The following CACNA2D1 variants were observed in gnomAD, a reference collection of about 807,000 sequenced individuals.
CACNA2D1 encodes calcium voltage-gated channel auxiliary subunit alpha2delta 1.
A neutral mutation model predicts 171.5 loss-of-function variants in CACNA2D1; 53 were observed. That is an observed-to-expected ratio of 0.31 (90% confidence interval 0.25 to 0.39). The LOEUF is 0.39. CACNA2D1 is among the 10% of genes least tolerant of loss of function. The pLI, the probability that CACNA2D1 is intolerant of heterozygous loss-of-function variation, is 1.00. For synonymous variants in CACNA2D1, 442 were observed against 443.1 expected, an observed-to-expected ratio of 1.00 and a Z score of 0.03; for missense variants, 903 against 1,299.8, an observed-to-expected ratio of 0.69 and a Z score of 4.69.
chr7:82,127,951 G>T (rs920746544), intron 5 of CACNA2D1, among the ~76,000 whole-genome samples: 2 of 151,880 alleles, frequency 1.3e-5, no homozygotes, highest in African/African-American at 4.8e-5. Context: ...TTTGAGACAG[G>T]GTCTCACTGT....
At chr7:82,202,621 C>T (rs912125542) in intron 3 of CACNA2D1, among the ~76,000 whole-genome samples, 1 of 152,034 alleles carries the variant, frequency 6.6e-6, no homozygotes, top group African/African-American at 2.4e-5. Flanking sequence ...AAGAAGTACA[C>T]ACTCAGCCCC....
At chr7:82,139,940 C>T (rs190125437) in intron 4 of CACNA2D1, among the ~76,000 whole-genome samples, 2 of 122,258 alleles carry the variant, frequency 1.6e-5, no homozygotes, top group Admixed American at 8.1e-5. Context: ...TGCCAACACA[C>T]CTGGCTATTA....
intron 4 of CACNA2D1, among the ~76,000 whole-genome samples, chr7:82,140,252 G>A (rs1792212486): frequency 6.6e-6 from 1 of 152,138 alleles, no homozygotes; most frequent in African/African-American, 2.4e-5. Flanking sequence ...ATTTTAAGAA[G>A]AGAACGTAGA....
chr7:82,149,780 A>T (rs1793578390), intron 4 of CACNA2D1, among the ~76,000 whole-genome samples: 1 of 143,764 alleles, frequency 7.0e-6, no homozygotes, highest in African/African-American at 2.5e-5. Context: ...TACAAAAAAA[A>T]AACAAACAAA....
At chr7:82,194,726 G>T (rs1444929207) in intron 3 of CACNA2D1, among the ~76,000 whole-genome samples, 3 of 151,926 alleles carry the variant, frequency 2.0e-5, no homozygotes, top group African/African-American at 7.2e-5. Context: ...GTCTGGCAAA[G>T]GTCAGATCAG....
At chr7:81,987,143 T>C (rs947400522) in intron 21 of CACNA2D1, among the ~76,000 whole-genome samples, 3 of 152,168 alleles carry the variant, frequency 2.0e-5, no homozygotes, top group African/African-American at 7.2e-5. Flanking sequence ...TTGATTGTTA[T>C]TAATAGCTAC....
chr7:82,339,645 T>C (rs1193375880), intron 2 of CACNA2D1, among the ~76,000 whole-genome samples: 1 of 152,220 alleles, frequency 6.6e-6, no homozygotes, highest in Non-Finnish European at 1.5e-5. Context: ...GCCAATCAGA[T>C]GCTCTCACCA....
At chr7:82,425,854 C>A (rs911689833) in intron 1 of CACNA2D1, among the ~76,000 whole-genome samples, 5 of 149,562 alleles carry the variant, frequency 3.3e-5, no homozygotes, top group African/African-American at 4.9e-5. Context: ...TGGGGCTGGG[C>A]GTGGTGGCTC....
intron 3 of CACNA2D1, among the ~76,000 whole-genome samples, chr7:82,234,313 A>G (rs1422201818): frequency 6.6e-6 from 1 of 152,120 alleles, no homozygotes; most frequent in Non-Finnish European, 1.5e-5. Context: ...TAGGTTTTAA[A>G]TATTAGATTA....
chr7:81,948,781 T>C lies in CACNA2D1; in HGVS notation c.*1611A>G, dbSNP rs543483666. 34 of 152,062 alleles carry C rather than the reference T, an allele frequency of 2.2e-4. No homozygotes were observed. Among genetic ancestry groups the C allele is most frequent in the African/African-American group, 7.9e-4 (33 of 41,558 alleles). The allele number at this position is 152,062 out of a possible 1,614,324, so 9.4% of individuals were successfully genotyped here. A position where few individuals can be genotyped will look rare whatever the true frequency, so the allele number is the denominator to read the frequency against. ...CAGCCTTCAGTAAAATTATTAACTA[T>C]TCTTAGAATTACACATTCATAGTTT... On this transcript the variant is annotated 3_prime_UTR_variant, in exon 39 of 39. Transcript: ENST00000356860.
intron 15 of CACNA2D1, 142 bp from the exon 16 acceptor site, chr7:82,007,898 C>T (rs1412985086): frequency 1.6e-6 from 1 of 633,114 alleles, no homozygotes. Context: ...TTTTGAATAT[C>T]TATTAAAATT....
At chr7:82,087,556 C>T (rs1487611670) in intron 6 of CACNA2D1, among the ~76,000 whole-genome samples, 1 of 42,368 alleles carries the variant, frequency 2.4e-5, no homozygotes, top group Non-Finnish European at 4.9e-5. Context: ...ATATTGAAAG[C>T]AGCTAAAAAA....
chr7:81,956,115 G>A (rs1023808476), intron 38 of CACNA2D1, among the ~76,000 whole-genome samples: 66 of 150,502 alleles, frequency 4.4e-4, no homozygotes, highest in African/African-American at 1.5e-3. Context: ...AGCCTCTGGC[G>A]TAGCTGGGAC....
intron 1 of CACNA2D1, among the ~76,000 whole-genome samples, chr7:82,351,390 T>C (rs962367631): frequency 2.6e-5 from 4 of 151,582 alleles, no homozygotes; most frequent in African/African-American, 9.7e-5. Flanking sequence ...AATGATGAGC[T>C]GATAAGAGAA....
chr7:82,227,807 C>G (rs1388768499), intron 3 of CACNA2D1, among the ~76,000 whole-genome samples: 1 of 152,110 alleles, frequency 6.6e-6, no homozygotes, highest in African/African-American at 2.4e-5. Context: ...GTATCCAATA[C>G]TCAAACACAT....
Position 82,395,866 on chromosome 7 carries a change from A to G in CACNA2D1, c.96-46217T>C, listed in dbSNP as rs142861407. On this transcript the variant is annotated intron_variant, in intron 1 of 38. Coordinates refer to ENST00000356860, the MANE Select transcript of CACNA2D1 (RefSeq NM_000722.4). ...GCTCATTTAACTACTTTGAGTCCCA[A>G]TCATTGGCATAAAAAAAATAAAATG... Among the ~76,000 whole-genome samples the G allele has an allele frequency of 9.1e-3, 1,379 of 152,290 alleles. 20 individuals carry two copies. Among genetic ancestry groups the G allele is most frequent in the African/African-American group, 0.031 (1,271 of 41,564 alleles).
chr7:82,380,596 T>C (rs1348533082), intron 1 of CACNA2D1, among the ~76,000 whole-genome samples: 2 of 152,014 alleles, frequency 1.3e-5, no homozygotes, highest in Non-Finnish European at 2.9e-5. Flanking sequence ...ATATATTTTG[T>C]GAAATATATA....
chr7:82,183,679 C>T (rs570046257), intron 3 of CACNA2D1, among the ~76,000 whole-genome samples: 19 of 152,080 alleles, frequency 1.2e-4, no homozygotes, highest in Non-Finnish European at 2.5e-4. Context: ...AACAGAGTAG[C>T]GACATCTTAT....
At chr7:82,300,171 AG>A (rs1294806241) in intron 3 of CACNA2D1, among the ~76,000 whole-genome samples, 1 of 152,108 alleles carries the variant, frequency 6.6e-6, no homozygotes, top group African/African-American at 2.4e-5. Flanking sequence ...AGAAAGAAAA[AG>A]TAAATAAAGC....
Sources: allele counts gnomAD v4.1 joint callset (sites outside exome capture counted in the v4.1 genomes callset), GRCh38; gene constraint gnomAD v4.1.1; transcripts MANE v1.5; gene names NCBI Gene and HGNC (gene_info 2026-07-23, HGNC 2026-07-21).